MARK3: variants seen among roughly 807,000 people sequenced by gnomAD.
MARK3 encodes MAP/microtubule affinity-regulating kinase 3.
In MARK3, 46 loss-of-function variants were observed where a neutral mutation model predicts 90.1. The observed-to-expected ratio is 0.51, with a 90% CI of 0.40 to 0.65. The LOEUF (loss-of-function observed/expected upper bound fraction) is 0.65, where lower values mean the gene tolerates loss of function less well. Ranked by LOEUF, MARK3 falls within the 30% of genes least tolerant of loss-of-function variation. MARK3 has a pLI of 0.00. For synonymous variants in MARK3, 321 were observed against 332.6 expected (o/e 0.97, Z 0.38); for missense variants, 818 against 947.2 (o/e 0.86, Z 1.79).
At chr14:103,436,575 AC>A (rs1277988398) in intron 3 of MARK3, among the ~76,000 whole-genome samples, 1 of 151,928 alleles carries the variant, frequency 6.6e-6, no homozygotes, top group Admixed American at 6.6e-5. Context: ...ATAAATTAAT[AC>A]AAATAGGAGA....
chr14:103,405,386 T>A (rs2065020), intron 2 of MARK3, 119 bp downstream of exon 2: 2 of 714,328 alleles, frequency 2.8e-6, no homozygotes, highest in Non-Finnish European at 4.2e-6. Flanking sequence ...AGTCTCGCTC[T>A]GTCACCCAGG....
intron 5 of MARK3, among the ~76,000 whole-genome samples, chr14:103,452,638 A>C: frequency 6.7e-6 from 1 of 150,258 alleles, no homozygotes; most frequent in East Asian, 1.9e-4. Context: ...CGCCCGGCTA[A>C]TTTTTTGTAT....
chr14:103,387,506 A>AT (rs1175788741), intron 1 of MARK3, among the ~76,000 whole-genome samples: 2 of 151,892 alleles, frequency 1.3e-5, no homozygotes, highest in Admixed American at 6.6e-5. Context: ...TTACTTATTT[A>AT]TTTTTTGAGA....
intron 1 of MARK3, among the ~76,000 whole-genome samples, chr14:103,390,408 T>C (rs772639754): frequency 9.2e-5 from 14 of 152,204 alleles, no homozygotes; most frequent in Non-Finnish European, 1.8e-4. Context: ...GCCCCAGATC[T>C]CTAGCTTAGG....
In MARK3 at chr14:103,424,972, C is replaced by T. The variant is rs190388331; in HGVS notation, c.244-3415C>T. Among the ~76,000 whole-genome samples, 328 of 152,128 alleles carry T rather than the reference C, an allele frequency of 2.2e-3. 1 individual carries two copies. Among genetic ancestry groups the T allele is most frequent in the South Asian group, 0.013 (62 of 4,820 alleles). On this transcript the variant is annotated intron_variant, in intron 2 of 17. Transcript: ENST00000429436. ...TTTTTATTTTTTTGAGAGGGAGTCT[C>T]GCTGTCTTGCCAGGCTGGAGTGCAG...
intron 3 of MARK3, among the ~76,000 whole-genome samples, chr14:103,437,406 T>C (rs375856033): frequency 4.0e-5 from 6 of 150,416 alleles, no homozygotes; most frequent in African/African-American, 1.2e-4. Flanking sequence ...AAAAAAAAAA[T>C]ACATTATAAA....
chr14:103,400,978 T>G lies in MARK3; in HGVS notation c.52-4098T>G, dbSNP rs2090926318. 3.4e-5 allele frequency among the ~76,000 whole-genome samples: 5 copies of G among 146,332 alleles called. No homozygotes were observed. In the South Asian group the frequency reaches 1.1e-3, roughly 31 times the overall value. ...GTGTGTGTGTGTGTGTGTGTGTGTG[T>G]GTGTATGCAGGTTGTTTATTGGCTC... On this transcript the variant is annotated intron_variant, in intron 1 of 17. Coordinates refer to ENST00000429436, the MANE Select transcript of MARK3 (RefSeq NM_001128918.3).
In MARK3 at chr14:103,428,564, A is replaced by G. The variant is rs114718034; in HGVS notation, c.297+124A>G. ...ATGCCATAAAGCTTCCTATTCCTCAAATGAATGCAACTTAATGTAGTATTT... is the reference window on the plus strand; with the variant it reads ...ATGCCATAAAGCTTCCTATTCCTCAGATGAATGCAACTTAATGTAGTATTT... On this transcript the variant is annotated intron_variant, in intron 3 of 17. Transcript: ENST00000429436. 2.1e-4 allele frequency: 130 copies of G among 621,618 alleles called. 1 individual carries two copies. In the African/African-American group the frequency reaches 2.3e-3, roughly 11 times the overall value. The allele number at this position is 621,618 out of a possible 1,614,324, so 38.5% of individuals were successfully genotyped here.
intron 3 of MARK3, among the ~76,000 whole-genome samples, chr14:103,428,911 T>TAGG (rs939222861): frequency 2.0e-5 from 3 of 152,214 alleles, no homozygotes; most frequent in Non-Finnish European, 4.4e-5. Flanking sequence ...AGGGAAATGT[T>TAGG]AAAGTAAAAC....
At chr14:103,425,482 C>T (rs141031153) in intron 2 of MARK3, among the ~76,000 whole-genome samples, 8,147 of 152,034 alleles carry the variant, frequency 0.054, 258 homozygotes, top group Non-Finnish European at 0.079. Flanking sequence ...AGGCTGGTCT[C>T]GAACTCCTGA....
intron 6 of MARK3, among the ~76,000 whole-genome samples, chr14:103,457,922 A>C (rs1227550283): frequency 6.6e-6 from 1 of 152,176 alleles, no homozygotes; most frequent in Non-Finnish European, 1.5e-5. Context: ...CTTATTGTGG[A>C]GAACGGGGTC....
intron 10 of MARK3, 28 bp downstream of exon 10, chr14:103,466,470 G>T: frequency 6.9e-7 from 1 of 1,445,156 alleles, no homozygotes. Context: ...GCATGTTCAT[G>T]TGTTTTTGTC....
rs1166893434 is a variant in MARK3 at position 103,385,926 on chromosome 14, C to A, written c.-104C>A. ...GAAGGGAGCCGCCCTCCCCACGGCG[C>A]CTTTTCGGAACTGCCGTGGACTCGA... On this transcript the variant is annotated 5_prime_UTR_variant, in exon 1 of 18. Coordinates refer to ENST00000429436, the MANE Select transcript of MARK3 (RefSeq NM_001128918.3). The A allele has an allele frequency of 3.3e-6, 3 of 916,928 alleles. No individual in the cohort carries two copies. The highest frequency in any genetic ancestry group is 5.4e-6 in the Non-Finnish European group (3 of 551,636). The allele number at this position is 916,928 out of a possible 1,614,324, so 56.8% of individuals were successfully genotyped here. A position where few individuals can be genotyped will look rare whatever the true frequency, so the allele number is the denominator to read the frequency against.
chr14:103,415,150 C>CAAAAAAAA (rs34245934), intron 2 of MARK3, among the ~76,000 whole-genome samples: 1 of 37,704 alleles, frequency 2.7e-5, no homozygotes, highest in African/African-American at 9.9e-5. Flanking sequence ...GACCTTGTCT[C>CAAAAAAAA]AAAAAAAAAA....
chr14:103,398,391 G>A (rs990845943), intron 1 of MARK3, among the ~76,000 whole-genome samples: 9 of 152,172 alleles, frequency 5.9e-5, no homozygotes, highest in African/African-American at 1.9e-4. Context: ...CTACATTGTG[G>A]TTTTAACTTG....
At chr14:103,497,159 T>C (rs2075397032) in intron 15 of MARK3, among the ~76,000 whole-genome samples, 1 of 152,236 alleles carries the variant, frequency 6.6e-6, no homozygotes, top group South Asian at 2.1e-4. Flanking sequence ...TTAGGCAGTA[T>C]ATATTAAAGA....
intron 1 of MARK3, among the ~76,000 whole-genome samples, chr14:103,389,305 A>G (rs1396734515): frequency 3.3e-5 from 5 of 151,250 alleles, no homozygotes; most frequent in African/African-American, 1.2e-4. Flanking sequence ...CAGAGCTTGC[A>G]GTGAGCCGAG....
intron 2 of MARK3, among the ~76,000 whole-genome samples, chr14:103,422,412 G>A (rs551373802): frequency 3.1e-4 from 47 of 152,242 alleles, no homozygotes; most frequent in African/African-American, 1.1e-3. Flanking sequence ...CCAAGATCGC[G>A]CGACTGCACT....
chr14:103,397,197 G>A (rs1412547465), intron 1 of MARK3, among the ~76,000 whole-genome samples: 1 of 151,990 alleles, frequency 6.6e-6, no homozygotes, highest in African/African-American at 2.4e-5. Flanking sequence ...TGTTTCAGTT[G>A]CTATTCCCCC....
Sources: allele counts gnomAD v4.1 joint callset (sites outside exome capture counted in the v4.1 genomes callset), GRCh38; gene constraint gnomAD v4.1.1; transcripts MANE v1.5; gene names NCBI Gene and HGNC (gene_info 2026-07-23, HGNC 2026-07-21).